Variants in TNC observed in about 807,000 individuals in gnomAD.
The protein encoded by TNC is tenascin C.
TNC carries 109 observed loss-of-function variants against 202.4 expected under a neutral mutation model. The ratio of observed to expected loss-of-function variants is 0.54; its 90% confidence interval spans 0.46 to 0.63. TNC has a LOEUF of 0.63. TNC is among the 30% of genes least tolerant of loss of function. TNC has a pLI of 0.00. For synonymous variants in TNC, 1,007 were observed against 1,089.7 expected, an observed-to-expected ratio of 0.92 and a Z score of 1.50; for missense variants, 2,756 against 2,833.3, an observed-to-expected ratio of 0.97 and a Z score of 0.62.
intron 6 of TNC, among the ~76,000 whole-genome samples, chr9:115,079,361 T>C (rs1475759480): frequency 3.3e-5 from 5 of 152,172 alleles, no homozygotes; most frequent in African/African-American, 1.2e-4. Flanking sequence ...GAGTCTGTTT[T>C]TGAAGTCTAG....
At chr9:115,105,324 TG>T (rs1836531098) in intron 1 of TNC, among the ~76,000 whole-genome samples, 1 of 152,228 alleles carries the variant, frequency 6.6e-6, no homozygotes, top group Admixed American at 6.5e-5. Flanking sequence ...ATAATAATAA[TG>T]AACATTGATT....
At position 115,081,862 on chromosome 9, in the gene TNC, C is replaced by G. The variant is rs778388112; in HGVS notation, c.2314G>C (p.Gly772Arg). The G allele has an allele frequency of 2.9e-5, 46 of 1,604,462 alleles. No homozygotes were observed. The highest frequency in any genetic ancestry group is 3.1e-5 in the Non-Finnish European group (36 of 1,177,554). ...RRPETSYRQT[G>R]LAPGQEYEIS... is the part of the protein sequence containing the mutation. ...TCATACTCTTGCCCAGGAGCTAGAC[C>G]AGTTTGCCGGTAAGAGGTCTCTGGC... The change falls in exon 6 of 28, where the codon GGT (glycine) becomes CGT (arginine). Residue 772 changes from glycine (G) to arginine (R), a missense_variant. Coordinates refer to ENST00000350763, the MANE Select transcript of TNC (RefSeq NM_002160.4).
intron 22 of TNC, among the ~76,000 whole-genome samples, chr9:115,034,298 T>C (rs1429777708): frequency 6.6e-6 from 1 of 152,248 alleles, no homozygotes; most frequent in African/African-American, 2.4e-5. Flanking sequence ...CTGTGGGTAC[T>C]TGCCCAATCA....
intron 4 of TNC, 33 bp downstream of exon 4, chr9:115,084,176 G>T (rs765717352): frequency 1.2e-6 from 2 of 1,603,646 alleles, no homozygotes; most frequent in Admixed American, 3.4e-5. Flanking sequence ...CTGACATCAG[G>T]TGAGGCTGCC....
intron 1 of TNC, among the ~76,000 whole-genome samples, chr9:115,101,014 A>C (rs1238811954): frequency 1.3e-5 from 2 of 152,156 alleles, no homozygotes; most frequent in Non-Finnish European, 2.9e-5. Context: ...CATTTGTGTT[A>C]AAGTATTTCT....
chr9:115,106,215 G>GAATT (rs1836603492), intron 1 of TNC, among the ~76,000 whole-genome samples: 1 of 152,142 alleles, frequency 6.6e-6, no homozygotes, highest in South Asian at 2.1e-4. Context: ...CCAACTCTGG[G>GAATT]AATTAGGGAG....
chr9:115,076,048 G>T lies in TNC; in HGVS notation c.2934C>A (p.Thr978=). ...VKEDKESNPA[T]INAATELDTP... is the part of the protein sequence containing the mutation. Reference sequence around the variant, plus strand: ...GTGCCCCACCTGTGGCTGCGTTGATGGTCGCTGGATTGCTCTCCTTGTCTT... The same window carrying T: ...GTGCCCCACCTGTGGCTGCGTTGATTGTCGCTGGATTGCTCTCCTTGTCTT... The change falls in exon 9 of 28, where the codon ACC becomes ACA. Residue 978 remains threonine, a synonymous_variant. Coordinates refer to ENST00000350763, the MANE Select transcript of TNC (RefSeq NM_002160.4). The T allele has an allele frequency of 6.2e-7, 1 of 1,614,088 alleles. No individual in the cohort carries two copies. The highest frequency in any genetic ancestry group is 8.5e-7 in the Non-Finnish European group (1 of 1,180,008).
At chr9:115,101,025 A>G (rs986172051) in intron 1 of TNC, among the ~76,000 whole-genome samples, 4 of 152,166 alleles carry the variant, frequency 2.6e-5, no homozygotes, top group Non-Finnish European at 4.4e-5. Context: ...AAGTATTTCT[A>G]GACTTCTTGG....
At chr9:115,027,318 G>T (rs189793873) in intron 25 of TNC, among the ~76,000 whole-genome samples, 2 of 151,658 alleles carry the variant, frequency 1.3e-5, no homozygotes, top group South Asian at 2.1e-4. Context: ...GGCCAGGCAC[G>T]GTGGCTCACG....
intron 10 of TNC, among the ~76,000 whole-genome samples, chr9:115,069,661 TCCC>T (rs1757035773): frequency 1.1e-4 from 2 of 18,372 alleles, no homozygotes; most frequent in African/African-American, 2.9e-4. Context: ...CCTCCCTCCC[TCCC>T]TCCCTTCCTC....
At chr9:115,055,986 A>T (rs1375326363) in intron 15 of TNC, among the ~76,000 whole-genome samples, 2 of 152,144 alleles carry the variant, frequency 1.3e-5, no homozygotes, top group South Asian at 4.1e-4. Flanking sequence ...TAGCAACTGG[A>T]TAATGTTGGC....
chr9:115,046,509 C>T lies in TNC; in HGVS notation c.5026G>A (p.Asp1676Asn). ...ITLLAPERTR[D>N]ITGLREATEY... ...GTAGCCTCTCTGAGACCTGTTATGTCCCTGGTACGTTCGGGGGCAAGTAGG... is the reference window on the plus strand; with the variant it reads ...GTAGCCTCTCTGAGACCTGTTATGTTCCTGGTACGTTCGGGGGCAAGTAGG... The change falls in exon 17 of 28, where the codon GAC (aspartate) becomes AAC (asparagine). Residue 1676 changes from aspartate to asparagine, a missense_variant. Physicochemically the swap from Asp to Asn is conservative, Grantham distance 23. Coordinates refer to ENST00000350763, the MANE Select transcript of TNC (RefSeq NM_002160.4). The T allele has an allele frequency of 6.2e-7, 1 of 1,614,098 alleles. No homozygotes were observed. Among genetic ancestry groups the T allele is most frequent in the Non-Finnish European group, 8.5e-7 (1 of 1,179,994 alleles).
chr9:115,053,096 A>G (rs1419478604), intron 15 of TNC: 1 of 645,546 alleles, frequency 1.5e-6, no homozygotes, highest in Non-Finnish European at 2.8e-6. Context: ...GTAGCCATAG[A>G]ACATGAAAGC....
chr9:115,057,572 C>A (rs377543404), intron 14 of TNC, 147 bp from the exon 15 acceptor site: 6 of 867,670 alleles, frequency 6.9e-6, no homozygotes, highest in East Asian at 5.1e-5. Context: ...GCAATGTTAC[C>A]AATTAGTGCC....
intron 1 of TNC, among the ~76,000 whole-genome samples, chr9:115,109,646 T>C (rs1162268239): frequency 1.3e-5 from 2 of 152,342 alleles, no homozygotes; most frequent in Middle Eastern, 3.4e-3. Context: ...CAGACAGGAC[T>C]CCTCTGTCCT....
chr9:115,083,574 A>G (rs1297161235), intron 4 of TNC, among the ~76,000 whole-genome samples: 2 of 150,950 alleles, frequency 1.3e-5, no homozygotes, highest in African/African-American at 2.4e-5. Flanking sequence ...CCTATTTCAT[A>G]CATATACTAA....
Position 115,064,712 on chromosome 9 carries a change from G to T in TNC, c.3422C>A (p.Thr1141Lys), listed in dbSNP as rs902542769. 2.5e-6 allele frequency: 4 copies of T among 1,614,230 alleles called. No individual in the cohort carries two copies. Among genetic ancestry groups the T allele is most frequent in the Non-Finnish European group, 2.5e-6 (3 of 1,180,034 alleles). ...CTGGATCACCCCATAGATGGAGACTGTATAAGGCGTAGCAGCCTTGAGGCC... is the reference window on the plus strand; with the variant it reads ...CTGGATCACCCCATAGATGGAGACTTTATAAGGCGTAGCAGCCTTGAGGCC... ...IPGLKAATPYTVSIYGVIQGY... is the reference protein window; with the variant it reads ...IPGLKAATPYKVSIYGVIQGY... The change falls in exon 11 of 28, where the codon ACA becomes AAA. Residue 1141 changes from threonine to lysine, a missense_variant. This residue lies in a region of TNC where 2,559 missense variants were observed against 2,546.0 expected (regional missense o/e 1.01). Coordinates refer to ENST00000350763, the MANE Select transcript of TNC (RefSeq NM_002160.4).
intron 1 of TNC, among the ~76,000 whole-genome samples, chr9:115,108,006 G>A (rs1249767686): frequency 2.6e-5 from 4 of 152,182 alleles, no homozygotes; most frequent in Admixed American, 6.6e-5. Flanking sequence ...AGATATTGGC[G>A]AGTTTCCGTT....
At chr9:115,092,102 A>G (rs1835277746) in intron 1 of TNC, among the ~76,000 whole-genome samples, 2 of 152,256 alleles carry the variant, frequency 1.3e-5, no homozygotes, top group Non-Finnish European at 2.9e-5. Flanking sequence ...TCCAGTACTT[A>G]AGGAGCAAAG....
Sources: gnomAD v4.1 joint callset for allele counts (sites outside exome capture counted in the v4.1 genomes callset) on GRCh38, gnomAD v4.1.1 for gene constraint, gnomAD v4.1.1 regional missense constraint, MANE v1.5 for transcripts, NCBI Gene and HGNC (gene_info 2026-07-23, HGNC 2026-07-21) for gene names.